DGKB: variants seen among roughly 807,000 people sequenced by gnomAD.
DGKB encodes 90 kDa diacylglycerol kinase.
DGKB carries 67 observed loss-of-function variants against 114.3 expected under a neutral mutation model. The ratio of observed to expected loss-of-function variants is 0.59; its 90% CI spans 0.48 to 0.72. The LOEUF (loss-of-function observed/expected upper bound fraction) is 0.72. DGKB is among the 30% of genes least tolerant of loss of function. The pLI is 0.00. For synonymous variants in DGKB, 398 were observed against 323.1 expected (o/e 1.23, Z -2.49); for missense variants, 907 against 975.2 (o/e 0.93, Z 0.93).
At chr7:14,206,761 T>C (rs1000229502) in intron 23 of DGKB, among the ~76,000 whole-genome samples, 1 of 152,048 alleles carries the variant, frequency 6.6e-6, no homozygotes, top group Non-Finnish European at 1.5e-5. Context: ...TCAAATAATA[T>C]ATGCTAAAAT....
intron 14 of DGKB, among the ~76,000 whole-genome samples, chr7:14,626,241 T>C (rs1322968011): frequency 1.3e-5 from 2 of 152,302 alleles, no homozygotes; most frequent in Admixed American, 6.5e-5. Flanking sequence ...CAGCAAGTGA[T>C]GATTACCTCA....
At chr7:14,878,875 T>TATAAAAAAA (rs1300423637) in intron 1 of DGKB, among the ~76,000 whole-genome samples, 9 of 152,048 alleles carry the variant, frequency 5.9e-5, no homozygotes, top group African/African-American at 2.2e-4. Flanking sequence ...CCATTGCAAA[T>TATAAAAAAA]CTTGCATATG....
intron 20 of DGKB, among the ~76,000 whole-genome samples, chr7:14,520,224 T>G (rs2128562424): frequency 6.6e-6 from 1 of 150,646 alleles, no homozygotes; most frequent in African/African-American, 2.4e-5. Flanking sequence ...TTTTTTTTTT[T>G]TTGCAGGAGG....
intron 1 of DGKB, among the ~76,000 whole-genome samples, chr7:14,842,359 G>A (rs1432271893): frequency 6.6e-6 from 1 of 152,030 alleles, no homozygotes; most frequent in Non-Finnish European, 1.5e-5. Context: ...GTCAAATCCT[G>A]TCATCCTTGT....
At chr7:14,176,243 T>G in intron 25 of DGKB, 1 of 754,594 alleles carries the variant, frequency 1.3e-6, no homozygotes, top group Non-Finnish European at 1.6e-6. Context: ...CCAAAAGCAG[T>G]TCCTAGCATG....
chr7:14,570,885 G>C (rs557298038), intron 20 of DGKB, among the ~76,000 whole-genome samples: 2 of 152,116 alleles, frequency 1.3e-5, no homozygotes, highest in African/African-American at 4.8e-5. Context: ...CAAAGGTCAA[G>C]TGTATTTCTG....
chr7:14,928,820 C>T (rs1184274959), intron 1 of DGKB, among the ~76,000 whole-genome samples: 1 of 151,598 alleles, frequency 6.6e-6, no homozygotes, highest in Non-Finnish European at 1.5e-5. Flanking sequence ...ATCATCCATC[C>T]CCCTCCTACT....
chr7:14,701,328 C>A (rs1197822947), intron 7 of DGKB, among the ~76,000 whole-genome samples: 1 of 152,130 alleles, frequency 6.6e-6, no homozygotes, highest in Admixed American at 6.6e-5. Flanking sequence ...TTCCTTAATG[C>A]CAAATGTTAC....
chr7:14,483,076 T>G (rs1162639310), intron 20 of DGKB, among the ~76,000 whole-genome samples: 3 of 152,098 alleles, frequency 2.0e-5, no homozygotes, highest in South Asian at 2.1e-4. Flanking sequence ...TTTTTCTATC[T>G]CTTCATAAAT....
At chr7:14,276,155 T>G (rs1798955757) in intron 23 of DGKB, among the ~76,000 whole-genome samples, 1 of 152,176 alleles carries the variant, frequency 6.6e-6, no homozygotes, top group Non-Finnish European at 1.5e-5. Flanking sequence ...TAATCTGCTC[T>G]GCTAAGAATT....
chr7:14,451,537 CTCTA>C (rs1831486542), intron 21 of DGKB, among the ~76,000 whole-genome samples: 3 of 123,858 alleles, frequency 2.4e-5, no homozygotes, highest in African/African-American at 9.6e-5. Flanking sequence ...TAATAAATCT[CTCTA>C]TCTGTCTCTC....
upstream of DGKB, among the ~76,000 whole-genome samples, chr7:14,907,749 C>G (rs957134401): frequency 6.6e-6 from 1 of 152,088 alleles, no homozygotes; most frequent in African/African-American, 2.4e-5. Flanking sequence ...TTATTGTTGA[C>G]CTAGTAGGCA....
intron 1 of DGKB, among the ~76,000 whole-genome samples, chr7:14,941,533 T>C (rs953760765): frequency 6.6e-6 from 1 of 152,124 alleles, no homozygotes; most frequent in Non-Finnish European, 1.5e-5. Context: ...AAAAATTGTA[T>C]GCATAATTTG....
chr7:14,876,656 A>G (rs1296928993), intron 1 of DGKB, among the ~76,000 whole-genome samples: 1 of 152,218 alleles, frequency 6.6e-6, no homozygotes, highest in Non-Finnish European at 1.5e-5. Flanking sequence ...AATTCAGCTC[A>G]TGCAACTTGG....
At chr7:14,876,230 A>G (rs765002387) in intron 1 of DGKB, among the ~76,000 whole-genome samples, 4 of 152,178 alleles carry the variant, frequency 2.6e-5, no homozygotes, top group Non-Finnish European at 5.9e-5. Context: ...CCCAAAAGTT[A>G]CTACCCCTTT....
At chr7:14,161,790 A>G (rs1311281907) in intron 25 of DGKB, among the ~76,000 whole-genome samples, 1 of 152,102 alleles carries the variant, frequency 6.6e-6, no homozygotes, top group Non-Finnish European at 1.5e-5. Context: ...CATTCTGCAC[A>G]TGGATCCTGG....
At chr7:14,928,535 C>T (rs1456896798) in intron 1 of DGKB, among the ~76,000 whole-genome samples, 1 of 151,940 alleles carries the variant, frequency 6.6e-6, no homozygotes, top group East Asian at 1.9e-4. Flanking sequence ...TCCAGTGCCT[C>T]ATCCTACTGT....
intron 1 of DGKB, among the ~76,000 whole-genome samples, chr7:14,948,905 T>G (rs947380379): frequency 6.6e-6 from 1 of 151,474 alleles, no homozygotes; most frequent in Non-Finnish European, 1.5e-5. Context: ...AATAGAAATA[T>G]GCCAAAAGAT....
intron 1 of DGKB, among the ~76,000 whole-genome samples, chr7:14,935,210 C>G (rs559665201): frequency 2.0e-5 from 3 of 151,898 alleles, no homozygotes; most frequent in Non-Finnish European, 4.4e-5. Flanking sequence ...GAATAACTAA[C>G]AAAAAAGAGA....
Sources: allele counts gnomAD v4.1 joint callset (sites outside exome capture counted in the v4.1 genomes callset), GRCh38; gene constraint gnomAD v4.1.1; transcripts MANE v1.5; gene names NCBI Gene and HGNC (gene_info 2026-07-23, HGNC 2026-07-21).